The following SF3B1 variants were observed in gnomAD, a reference collection of about 807,000 sequenced individuals.
The protein encoded by SF3B1 is pre-mRNA processing 10.
Under a neutral mutation model 153.8 loss-of-function variants are expected in SF3B1, and 12 were observed. That is an observed-to-expected ratio of 0.08 (90% CI 0.05 to 0.13). SF3B1 has a LOEUF of 0.13. Ranked by LOEUF, SF3B1 falls within the 10% of genes least tolerant of loss-of-function variation. The probability of loss-of-function intolerance (pLI) is 1.00; values close to 1 mark genes in which losing one functional copy is unlikely to be tolerated. For synonymous variants in SF3B1, 498 were observed against 525.2 expected (o/e 0.95, Z 0.71); for missense variants, 513 against 1,606.1 (o/e 0.32, Z 11.63).
At chr2:197,403,136 G>A in intron 12 of SF3B1, 101 bp from the exon 13 acceptor site, 2 of 876,540 alleles carry the variant, frequency 2.3e-6, no homozygotes, top group Non-Finnish European at 3.6e-6. Context: ...GAATTATCAG[G>A]ACTTTTGTTA....
chr2:197,412,615 C>A (rs1287902320), intron 6 of SF3B1, among the ~76,000 whole-genome samples: 1 of 151,714 alleles, frequency 6.6e-6, no homozygotes, highest in Non-Finnish European at 1.5e-5. Context: ...CTTGGCCTCC[C>A]AAAGTGCTGG....
intron 1 of SF3B1, among the ~76,000 whole-genome samples, chr2:197,430,165 T>C (rs1005264895): frequency 4.6e-5 from 7 of 152,214 alleles, no homozygotes; most frequent in Non-Finnish European, 7.3e-5. Context: ...CTTGGAAGCC[T>C]GACTGAAACT....
chr2:197,404,266 C>T (rs936185077), intron 11 of SF3B1, among the ~76,000 whole-genome samples: 2 of 151,922 alleles, frequency 1.3e-5, no homozygotes, highest in Admixed American at 6.6e-5. Context: ...TCTCTTGAGC[C>T]CAGGAGTATT....
At chr2:197,431,207 T>A (rs1454295843) in intron 1 of SF3B1, among the ~76,000 whole-genome samples, 1 of 140,704 alleles carries the variant, frequency 7.1e-6, no homozygotes, top group Non-Finnish European at 1.5e-5. Context: ...AACCTTCGCC[T>A]CCTGGGTTCA....
intron 8 of SF3B1, 57 bp downstream of exon 8, chr2:197,408,312 A>G: frequency 6.5e-7 from 1 of 1,535,904 alleles, no homozygotes; most frequent in Non-Finnish European, 9.0e-7. Flanking sequence ...ACCACAAAGG[A>G]AAAAATTAAA....
rs570407431 is a variant in SF3B1, at chr2:197,404,277, T to G, written c.1540-513A>C. Reference sequence around the variant, plus strand: ...AGGATCTCTTGAGCCCAGGAGTATTTAAATAATAATAAAAACAAACGGCTG... The same window carrying G: ...AGGATCTCTTGAGCCCAGGAGTATTGAAATAATAATAAAAACAAACGGCTG... On this transcript the variant is annotated intron_variant, in intron 11 of 24. Coordinates refer to ENST00000335508, the MANE Select transcript of SF3B1 (RefSeq NM_012433.4). Among the ~76,000 whole-genome samples, 120 of 152,132 alleles carry G rather than the reference T, an allele frequency of 7.9e-4. 1 individual carries two copies. Among genetic ancestry groups the G allele is most frequent in the African/African-American group, 2.7e-3 (114 of 41,500 alleles).
At chr2:197,407,113 C>T (rs1401270645) in intron 9 of SF3B1, among the ~76,000 whole-genome samples, 1 of 151,988 alleles carries the variant, frequency 6.6e-6, no homozygotes, top group African/African-American at 2.4e-5. Flanking sequence ...CAACAAAAAA[C>T]ATACTCATGA....
At position 197,406,302 on chromosome 2, in the gene SF3B1, C is replaced by T. The variant is rs532947390; in HGVS notation, c.1240-830G>A. Among the ~76,000 whole-genome samples the T allele has an allele frequency of 7.2e-5, 11 of 151,774 alleles. No homozygotes were observed. In the South Asian group the frequency reaches 1.9e-3, roughly 26 times the overall value. On this transcript the variant is annotated intron_variant, in intron 9 of 24. Transcript: ENST00000335508. ...ACAACTTCTTGGAGAGGTCAATAAA[C>T]CTATACACGTCTTCTCCAGTGAGCC...
At chr2:197,420,593 C>A in intron 3 of SF3B1, 51 bp from the exon 4 acceptor site, 2 of 1,242,702 alleles carry the variant, frequency 1.6e-6, no homozygotes, top group South Asian at 1.4e-5. Flanking sequence ...AATAACAAAA[C>A]AGAATATCAT....
intron 9 of SF3B1, among the ~76,000 whole-genome samples, chr2:197,405,873 A>G (rs774097155): frequency 1.3e-5 from 2 of 152,182 alleles, no homozygotes; most frequent in Admixed American, 6.5e-5. Flanking sequence ...GGCATAAAAC[A>G]TAAAAAATTA....
At chr2:197,395,390 G>T (rs2084865199) in intron 23 of SF3B1, among the ~76,000 whole-genome samples, 1 of 152,212 alleles carries the variant, frequency 6.6e-6, no homozygotes, top group Non-Finnish European at 1.5e-5. Flanking sequence ...GTACACAAAA[G>T]TATTTGAATG....
chr2:197,420,307 G>A (rs1290424148), intron 4 of SF3B1, 121 bp downstream of exon 4: 1 of 697,854 alleles, frequency 1.4e-6, no homozygotes, highest in Admixed American at 2.4e-5. Context: ...CAAATCTATA[G>A]TAAGGGGGAT....
intron 7 of SF3B1, among the ~76,000 whole-genome samples, chr2:197,409,085 T>C (rs545275987): frequency 2.2e-4 from 34 of 152,192 alleles, no homozygotes; most frequent in African/African-American, 8.2e-4. Flanking sequence ...AAGCAAGACA[T>C]TGTCTCTACA....
Position 197,401,535 on chromosome 2 carries a change from TAAGA to T in SF3B1, c.2371-14_2371-11del, listed in dbSNP as rs1380441248. The stretch of plus-strand genomic sequence containing the variant: ...AACACTGTTTTACCACCTAAAAGGT[TAAGA>T]AATAGTAATAATAAATCAACTGACC... On this transcript the variant is annotated splice_polypyrimidine_tract_variant and intron_variant, in intron 16 of 24. Coordinates refer to ENST00000335508, the MANE Select transcript of SF3B1 (RefSeq NM_012433.4). The surrounding 1 kb of genome is among the most constrained non-coding windows in gnomAD (Gnocchi z 4.2). 1 of 1,604,916 alleles carries T rather than the reference TAAGA, an allele frequency of 6.2e-7. No individual in the cohort carries two copies. Among genetic ancestry groups the T allele is most frequent in the African/African-American group, 1.3e-5 (1 of 74,572 alleles).
chr2:197,419,357 T>C (rs2085205353), intron 4 of SF3B1: 2 of 254,744 alleles, frequency 7.9e-6, no homozygotes, highest in Non-Finnish European at 7.6e-6. Flanking sequence ...AACTTCAAAA[T>C]ATCTTACAGA....
chr2:197,430,583 A>C (rs1330162947), intron 1 of SF3B1, among the ~76,000 whole-genome samples: 1 of 152,174 alleles, frequency 6.6e-6, no homozygotes, highest in Non-Finnish European at 1.5e-5. Flanking sequence ...GCTCCCAAGC[A>C]GGTGGGATTA....
In SF3B1 at chr2:197,402,237, T is replaced by C. The variant is rs1478571865; in HGVS notation, c.2078-107A>G. Reference sequence around the variant, plus strand: ...AACTATTCAGCCAAACTGCAGAATATGTTCACATTAAACAAAATTAGGTAA... The same window carrying C: ...AACTATTCAGCCAAACTGCAGAATACGTTCACATTAAACAAAATTAGGTAA... On this transcript the variant is annotated intron_variant, in intron 14 of 24. Coordinates refer to ENST00000335508, the MANE Select transcript of SF3B1 (RefSeq NM_012433.4). This position sits in a 1 kb window ranked among gnomAD's most constrained non-coding sequence, Gnocchi z 4.6. 3 of 1,354,160 alleles carry C rather than the reference T, an allele frequency of 2.2e-6. No homozygotes were observed. The highest frequency in any genetic ancestry group is 3.0e-6 in the Non-Finnish European group (3 of 1,000,160). 83.9% of individuals were successfully genotyped at this position (1,354,160 alleles called of 1,614,324 possible). A position where few individuals can be genotyped will look rare whatever the true frequency, so the allele number is the denominator to read the frequency against.
At chr2:197,412,341 A>T (rs545270935) in intron 6 of SF3B1, among the ~76,000 whole-genome samples, 9 of 145,794 alleles carry the variant, frequency 6.2e-5, no homozygotes, top group South Asian at 4.5e-4. Context: ...TCTCTGATTT[A>T]ATTTATTTAT....
intron 6 of SF3B1, among the ~76,000 whole-genome samples, chr2:197,414,041 C>T (rs1429096095): frequency 6.6e-6 from 1 of 152,124 alleles, no homozygotes; most frequent in African/African-American, 2.4e-5. Context: ...CGCCTGACCT[C>T]AAATGATCCA....
Sources: gnomAD v4.1 joint callset for allele counts (sites outside exome capture counted in the v4.1 genomes callset) on GRCh38, gnomAD v4.1.1 for gene constraint, Gnocchi (gnomAD v3.1) non-coding constraint, MANE v1.5 for transcripts, NCBI Gene and HGNC (gene_info 2026-07-23, HGNC 2026-07-21) for gene names.